The following PCSK6 variants were observed in gnomAD, a reference collection of about 807,000 sequenced individuals.
PCSK6 encodes the protein proprotein convertase subtilisin/kexin type 6, also known as paired basic amino acid cleaving enzyme 4.
PCSK6 carries 85 observed loss-of-function variants against 123.3 expected under a neutral mutation model. The ratio of observed to expected loss-of-function variants is 0.69; its 90% CI spans 0.58 to 0.83. The LOEUF (loss-of-function observed/expected upper bound fraction) is 0.83, where lower values mean the gene tolerates loss of function less well. Among genes scored for constraint, PCSK6 ranks in the 40% least tolerant of loss-of-function variants. The probability of loss-of-function intolerance (pLI) is 0.00; values close to 1 mark genes in which losing one functional copy is unlikely to be tolerated. For missense variants in PCSK6, 1,191 were observed against 1,282.3 expected (o/e 0.93, Z 1.09); for synonymous variants, 508 against 516.0 (o/e 0.98, Z 0.21).
At chr15:101,342,076 GC>G (rs1339979875) in intron 13 of PCSK6, among the ~76,000 whole-genome samples, 1 of 135,744 alleles carries the variant, frequency 7.4e-6, no homozygotes, top group Non-Finnish European at 1.5e-5. Context: ...GTTGCAGTGA[GC>G]TGACATTGTG....
At position 101,322,517 on chromosome 15, in the gene PCSK6, T is replaced by C; in HGVS notation, c.2465+3A>G. 6.2e-7 allele frequency: 1 copy of C among 1,606,364 alleles called. No individual in the cohort carries two copies. Among genetic ancestry groups the C allele is most frequent in the South Asian group, 1.1e-5 (1 of 90,864 alleles). ...CATTCCTCAGGTTTCGAGGGGGTTT[T>C]ACCTGAATCCTTCTTTACAGACAGT... On this transcript the variant is annotated splice_donor_region_variant and intron_variant, in intron 18 of 21. Coordinates refer to ENST00000611716, the MANE Select transcript of PCSK6 (RefSeq NM_002570.5).
intron 13 of PCSK6, chr15:101,337,336 C>G (rs1048902707): frequency 6.6e-6 from 1 of 152,130 alleles, no homozygotes; most frequent in African/African-American, 2.4e-5. Context: ...TTTTCACTTT[C>G]TCAACCAAGG....
At chr15:101,353,150 T>C (rs571138724) in intron 13 of PCSK6, among the ~76,000 whole-genome samples, 2 of 152,268 alleles carry the variant, frequency 1.3e-5, no homozygotes, top group Admixed American at 6.5e-5. Context: ...GTAGAATCAG[T>C]GGGAGCCCTG....
chr15:101,479,792 G>C lies in PCSK6; in HGVS notation c.297+9582C>G, dbSNP rs1453001086. Among the ~76,000 whole-genome samples the C allele has an allele frequency of 2.6e-5, 4 of 152,172 alleles. No individual in the cohort carries two copies. The East Asian group carries it at 5.8e-4, about 22-fold the overall frequency. On this transcript the variant is annotated intron_variant, in intron 1 of 21. Transcript: ENST00000611716. ...TCCCTTCCCCTCCACCACCTTCCCA[G>C]ATCTCCACCCAGGGAAGAGTCCGGC...
At chr15:101,321,593 C>G (rs968953124) in intron 18 of PCSK6, among the ~76,000 whole-genome samples, 1 of 152,212 alleles carries the variant, frequency 6.6e-6, no homozygotes, top group Non-Finnish European at 1.5e-5. Context: ...GTTCTTTACT[C>G]CAAAAAAGAA....
At chr15:101,352,488 C>T (rs1222353968) in intron 13 of PCSK6, among the ~76,000 whole-genome samples, 2 of 152,168 alleles carry the variant, frequency 1.3e-5, no homozygotes, top group Non-Finnish European at 2.9e-5. Context: ...TATGTGTATG[C>T]ATCAAGATAA....
intron 11 of PCSK6, among the ~76,000 whole-genome samples, chr15:101,377,868 T>G (rs996541891): frequency 1.3e-5 from 2 of 152,200 alleles, no homozygotes; most frequent in South Asian, 2.1e-4. Context: ...CAAGCTAAAC[T>G]GTAAGCTCTG....
rs116364687 is a variant in PCSK6 at position 101,411,795 on chromosome 15, G to A, written c.824-13219C>T. On this transcript the variant is annotated intron_variant, in intron 6 of 21. Coordinates refer to ENST00000611716, the MANE Select transcript of PCSK6 (RefSeq NM_002570.5). ...ACGAAATGAGGTGCCCGACCTCACTGCTGGGGCATGTCAGGAAACAGCAGG... is the reference window on the plus strand; with the variant it reads ...ACGAAATGAGGTGCCCGACCTCACTACTGGGGCATGTCAGGAAACAGCAGG... Among the ~76,000 whole-genome samples the A allele has an allele frequency of 2.9e-3, 435 of 152,308 alleles. 1 individual carries two copies. Among genetic ancestry groups the A allele is most frequent in the African/African-American group, 0.01 (418 of 41,574 alleles).
In PCSK6 at chr15:101,393,219, C is replaced by T. The variant is rs374933240; in HGVS notation, c.1202G>A (p.Arg401Gln). ...TTYSSGAFYE[R>Q]KIVTTDLRQR... ...CTTGCCAAGAGAACTTACGATTTTT[C>T]GCTCATAAAAGGCCCCACTGCTGTA... Residue 401 changes from arginine (R) to glutamine (Q), a missense_variant, in exon 8 of 22, where the codon CGA becomes CAA. Physicochemically the swap from Arg to Gln is conservative, Grantham distance 43. This residue lies in a region of PCSK6 where 357 missense variants were observed against 484.5 expected (regional missense o/e 0.74). Transcript: ENST00000611716. The T allele has an allele frequency of 2.8e-5, 45 of 1,612,270 alleles. No homozygotes were observed. Among genetic ancestry groups the T allele is most frequent in the Non-Finnish European group, 3.7e-5 (44 of 1,179,192 alleles).
chr15:101,393,177 C>G, intron 8 of PCSK6, 35 bp downstream of exon 8: 2 of 1,498,470 alleles, frequency 1.3e-6, no homozygotes, highest in South Asian at 2.3e-5. Context: ...CTGAGGCACT[C>G]ACTGTAAGCA....
At chr15:101,383,346 G>A (rs2041959773) in intron 10 of PCSK6, among the ~76,000 whole-genome samples, 1 of 144,886 alleles carries the variant, frequency 6.9e-6, no homozygotes, top group Non-Finnish European at 1.5e-5. Flanking sequence ...GGAGGCAAAG[G>A]TTGCAGTGAG....
chr15:101,456,022 C>T (rs1019166120), intron 1 of PCSK6, among the ~76,000 whole-genome samples: 4 of 152,338 alleles, frequency 2.6e-5, no homozygotes, highest in East Asian at 1.9e-4. Flanking sequence ...TCTACTCTAT[C>T]GGGGAGGCAC....
At chr15:101,484,009 G>A (rs2057957271) in intron 1 of PCSK6, among the ~76,000 whole-genome samples, 1 of 152,076 alleles carries the variant, frequency 6.6e-6, no homozygotes, top group Non-Finnish European at 1.5e-5. Context: ...GTGTATCTGT[G>A]TATATGTCTA....
intron 2 of PCSK6, among the ~76,000 whole-genome samples, chr15:101,436,040 G>A (rs2056590078): frequency 6.6e-6 from 1 of 152,138 alleles, no homozygotes; most frequent in Non-Finnish European, 1.5e-5. Context: ...AGGGTGTTTT[G>A]AAACTTTCAC....
chr15:101,314,755 G>T (rs1240312244), intron 19 of PCSK6, among the ~76,000 whole-genome samples: 1 of 152,174 alleles, frequency 6.6e-6, no homozygotes, highest in Non-Finnish European at 1.5e-5. Flanking sequence ...CAGATGTAGG[G>T]ACCTCAAGGG....
At chr15:101,472,037 A>G (rs1258837795) in intron 1 of PCSK6, among the ~76,000 whole-genome samples, 1 of 151,748 alleles carries the variant, frequency 6.6e-6, no homozygotes, top group African/African-American at 2.4e-5. Flanking sequence ...TTGTGATAAA[A>G]AAAAGCTAAA....
At chr15:101,330,361 G>C (rs1454924276) in intron 15 of PCSK6, among the ~76,000 whole-genome samples, 1 of 152,346 alleles carries the variant, frequency 6.6e-6, no homozygotes, top group East Asian at 1.9e-4. Flanking sequence ...TCCAGGTGCA[G>C]CCTCCACTGG....
chr15:101,476,813 T>C (rs1433525750), intron 1 of PCSK6, among the ~76,000 whole-genome samples: 3 of 152,228 alleles, frequency 2.0e-5, no homozygotes, highest in Non-Finnish European at 4.4e-5. Flanking sequence ...ATATGCAATG[T>C]ATAATTTTTT....
rs553094170 is a variant in PCSK6, at chr15:101,436,198, G to A, written c.403-4098C>T. ...TCAGGAAGGCCCCTAGAAGTTCTTG[G>A]GAGCTGGAGAGTCCTAAAAGGAGAG... On this transcript the variant is annotated intron_variant, in intron 2 of 21. Coordinates refer to ENST00000611716, the MANE Select transcript of PCSK6 (RefSeq NM_002570.5). Among the ~76,000 whole-genome samples, 230 of 152,284 alleles carry A rather than the reference G, an allele frequency of 1.5e-3. 2 individuals are homozygous for A. The highest frequency in any genetic ancestry group is 5.3e-3 in the African/African-American group (221 of 41,550).
Sources: allele counts gnomAD v4.1 joint callset (sites outside exome capture counted in the v4.1 genomes callset), GRCh38; gene constraint gnomAD v4.1.1; regional missense constraint gnomAD v4.1.1; transcripts MANE v1.5; gene names NCBI Gene and HGNC (gene_info 2026-07-23, HGNC 2026-07-21).